Variants in PARP8 observed in about 807,000 individuals in gnomAD.
PARP8 encodes the protein protein mono-ADP-ribosyltransferase PARP8.
A neutral mutation model predicts 124.1 loss-of-function variants in PARP8; 51 were observed. The observed-to-expected ratio is 0.41, with a 90% CI of 0.33 to 0.52. The LOEUF (loss-of-function observed/expected upper bound fraction) is 0.52. PARP8 is among the 20% of genes least tolerant of loss of function. The pLI, the probability that PARP8 is intolerant of heterozygous loss-of-function variation, is 0.21. For synonymous variants in PARP8, 391 were observed against 361.5 expected, an observed-to-expected ratio of 1.08 and a Z score of -0.93; for missense variants, 860 against 1,018.9, an observed-to-expected ratio of 0.84 and a Z score of 2.12.
chr5:50,674,669 C>T (rs1305542529), intron 2 of PARP8, among the ~76,000 whole-genome samples: 2 of 152,178 alleles, frequency 1.3e-5, no homozygotes, highest in East Asian at 3.8e-4. Context: ...TGCTTCCTAA[C>T]ATCTACATGC....
At chr5:50,758,278 G>A (rs1335623038) in intron 3 of PARP8, among the ~76,000 whole-genome samples, 4 of 152,168 alleles carry the variant, frequency 2.6e-5, no homozygotes, top group Admixed American at 6.5e-5. Context: ...ACTAAATAAA[G>A]CAAAATTTGT....
chr5:50,810,114 A>G (rs1744275733), intron 14 of PARP8, among the ~76,000 whole-genome samples: 1 of 152,014 alleles, frequency 6.6e-6, no homozygotes. Context: ...AGGGACATAT[A>G]TAAATACATT....
At chr5:50,807,193 A>G (rs934285088) in intron 14 of PARP8, among the ~76,000 whole-genome samples, 34 of 151,868 alleles carry the variant, frequency 2.2e-4, no homozygotes, top group Non-Finnish European at 4.6e-4. Context: ...CTGTCACTCC[A>G]TTCAGAGGTC....
At chr5:50,788,471 T>TC in intron 9 of PARP8, 52 bp from the exon 10 acceptor site, 1 of 1,530,196 alleles carries the variant, frequency 6.5e-7, no homozygotes, top group South Asian at 1.1e-5. Context: ...TGGCTGATGG[T>TC]TGAGTTTCAG....
chr5:50,684,579 T>C (rs1751649733), intron 2 of PARP8, among the ~76,000 whole-genome samples: 1 of 152,098 alleles, frequency 6.6e-6, no homozygotes, highest in Non-Finnish European at 1.5e-5. Flanking sequence ...AATGCCTAAG[T>C]CTAGTCTTGA....
intron 2 of PARP8, among the ~76,000 whole-genome samples, chr5:50,707,656 AG>A (rs1330520354): frequency 7.9e-5 from 12 of 151,728 alleles, no homozygotes; most frequent in Admixed American, 6.6e-4. Flanking sequence ...AGAGAGAGAG[AG>A]AGAGAGAAAA....
At chr5:50,741,808 T>C (rs1427408396) in intron 2 of PARP8, 1 of 436,828 alleles carries the variant, frequency 2.3e-6, no homozygotes, top group African/African-American at 2.1e-5. Context: ...TTTCTTTTCT[T>C]TTCTTCTTTT....
intron 14 of PARP8, among the ~76,000 whole-genome samples, chr5:50,811,152 G>T (rs1561414768): frequency 6.6e-6 from 1 of 151,964 alleles, no homozygotes; most frequent in Non-Finnish European, 1.5e-5. Context: ...AAACATACAG[G>T]AAAGAAAAGT....
chr5:50,817,746 C>A (rs999538733), intron 15 of PARP8, among the ~76,000 whole-genome samples: 8 of 152,094 alleles, frequency 5.3e-5, no homozygotes, highest in Non-Finnish European at 1.0e-4. Context: ...ATTGTATACC[C>A]TTAGGCTCTT....
intron 2 of PARP8, among the ~76,000 whole-genome samples, chr5:50,725,233 C>T (rs1342762225): frequency 6.6e-6 from 1 of 151,698 alleles, no homozygotes; most frequent in Non-Finnish European, 1.5e-5. Context: ...TATTATGATA[C>T]TCTTTAATAT....
Position 50,786,131 on chromosome 5 carries a change from G to A in PARP8, c.671-2392G>A, listed in dbSNP as rs139190960. ...CCCTAACACTCTGCTTCTTTTGACT[G>A]TTAATTTCCTTGATTAGAGTTGTCT... On this transcript the variant is annotated intron_variant, in intron 9 of 25. Coordinates refer to ENST00000281631, the MANE Select transcript of PARP8 (RefSeq NM_024615.4). 2.0e-3 allele frequency among the ~76,000 whole-genome samples: 297 copies of A among 152,110 alleles called. 3 individuals carry two copies. The highest frequency in any genetic ancestry group is 6.8e-3 in the African/African-American group (281 of 41,500).
chr5:50,816,635 T>A (rs550555420), intron 15 of PARP8, among the ~76,000 whole-genome samples: 25 of 152,296 alleles, frequency 1.6e-4, no homozygotes, highest in Non-Finnish European at 3.1e-4. Flanking sequence ...AAGAGTAGAA[T>A]GTTGGTCTTA....
At chr5:50,747,447 T>A (rs1311330872) in intron 2 of PARP8, among the ~76,000 whole-genome samples, 1 of 150,798 alleles carries the variant, frequency 6.6e-6, no homozygotes, top group African/African-American at 2.5e-5. Context: ...GTGTTTTTAA[T>A]TTTTTTTTCT....
intron 10 of PARP8, 140 bp from the exon 11 acceptor site, chr5:50,794,067 G>T (rs1378232994): frequency 3.4e-6 from 3 of 880,842 alleles, no homozygotes; most frequent in African/African-American, 3.4e-5. Context: ...GAAAAATCTT[G>T]TATGATTCTA....
At chr5:50,742,120 T>G (rs1758113474) in intron 2 of PARP8, among the ~76,000 whole-genome samples, 1 of 152,214 alleles carries the variant, frequency 6.6e-6, no homozygotes, top group African/African-American at 2.4e-5. Flanking sequence ...GCATTTTATT[T>G]TCTAGAAGGA....
intron 2 of PARP8, among the ~76,000 whole-genome samples, chr5:50,748,308 A>G (rs1372581376): frequency 1.3e-5 from 2 of 152,136 alleles, no homozygotes; most frequent in African/African-American, 4.8e-5. Flanking sequence ...TTCATTTTAC[A>G]TAATATGCAA....
At chr5:50,833,485 A>G (rs1215543899) in intron 23 of PARP8, 17 of 429,338 alleles carry the variant, frequency 4.0e-5, no homozygotes, top group Non-Finnish European at 6.9e-5. Flanking sequence ...AAATTTAAAA[A>G]AAGAGAGTAT....
chr5:50,814,483 A>G (rs756651812), intron 14 of PARP8, among the ~76,000 whole-genome samples: 2 of 152,150 alleles, frequency 1.3e-5, no homozygotes, highest in African/African-American at 2.4e-5. Flanking sequence ...TTTAAGTCTG[A>G]CAAAGGAAAT....
At chr5:50,837,963 A>C (rs552649433) in intron 25 of PARP8, among the ~76,000 whole-genome samples, 1 of 152,226 alleles carries the variant, frequency 6.6e-6, no homozygotes, top group South Asian at 2.1e-4. Context: ...AAGCTTGATT[A>C]CATGACTAAC....
Sources: gnomAD v4.1 joint callset for allele counts (sites outside exome capture counted in the v4.1 genomes callset) on GRCh38, gnomAD v4.1.1 for gene constraint, MANE v1.5 for transcripts, NCBI Gene and HGNC (gene_info 2026-07-23, HGNC 2026-07-21) for gene names.